The following RALGPS1 variants were observed in gnomAD, a reference collection of about 807,000 sequenced individuals.
The protein encoded by RALGPS1 is Ral GEF with PH domain and SH3 binding motif 1, also known as ras-specific guanine nucleotide-releasing factor RalGPS1.
A neutral mutation model predicts 78.8 loss-of-function variants in RALGPS1; 19 were observed. The ratio of observed to expected loss-of-function variants is 0.24; its 90% confidence interval spans 0.17 to 0.35. The LOEUF (loss-of-function observed/expected upper bound fraction) is 0.35, where lower values mean the gene tolerates loss of function less well. RALGPS1 is among the 10% of genes least tolerant of loss of function. The pLI is 1.00. For missense variants in RALGPS1, 454 were observed against 688.3 expected (o/e 0.66, Z 3.81); for synonymous variants, 228 against 256.3 (o/e 0.89, Z 1.06).
intron 1 of RALGPS1, among the ~76,000 whole-genome samples, chr9:126,941,200 A>G (rs2036758932): frequency 6.6e-6 from 1 of 151,334 alleles, no homozygotes; most frequent in South Asian, 2.1e-4. Flanking sequence ...GGGATGATTA[A>G]TGGATTCAAA....
At chr9:127,208,977 G>A (rs931200396) in intron 14 of RALGPS1, among the ~76,000 whole-genome samples, 23 of 152,328 alleles carry the variant, frequency 1.5e-4, no homozygotes, top group East Asian at 7.7e-4. Context: ...AAAGACTCAC[G>A]AGAAGAAAAG....
intron 1 of RALGPS1, among the ~76,000 whole-genome samples, chr9:126,942,301 C>T (rs575043062): frequency 1.2e-3 from 183 of 150,510 alleles, no homozygotes; most frequent in Middle Eastern, 3.4e-3. Flanking sequence ...TTTTTTTTAC[C>T]TCCAAATTAT....
intron 4 of RALGPS1, among the ~76,000 whole-genome samples, chr9:127,019,579 G>A (rs1014003843): frequency 3.9e-5 from 6 of 152,038 alleles, no homozygotes; most frequent in Non-Finnish European, 7.4e-5. Flanking sequence ...CACCCACCTC[G>A]GCCTCCCAAA....
At chr9:127,130,190 A>G (rs761698535) in intron 8 of RALGPS1, among the ~76,000 whole-genome samples, 4 of 152,180 alleles carry the variant, frequency 2.6e-5, no homozygotes, top group African/African-American at 4.8e-5. Flanking sequence ...AAATTTACCT[A>G]TCCTCCCTGA....
At chr9:126,950,795 A>C (rs1437100785) in intron 1 of RALGPS1, among the ~76,000 whole-genome samples, 1 of 151,836 alleles carries the variant, frequency 6.6e-6, no homozygotes, top group African/African-American at 2.4e-5. Flanking sequence ...AGCTAGCAGA[A>C]GGCAAGAAAT....
At chr9:126,965,238 A>G (rs1398214895) in intron 2 of RALGPS1, among the ~76,000 whole-genome samples, 1 of 152,218 alleles carries the variant, frequency 6.6e-6, no homozygotes, top group African/African-American at 2.4e-5. Context: ...CTCTCACCTC[A>G]TTAGCAAGCA....
intron 17 of RALGPS1, 47 bp downstream of exon 17, chr9:127,213,096 T>G: frequency 6.2e-7 from 1 of 1,612,718 alleles, no homozygotes; most frequent in South Asian, 1.1e-5. Flanking sequence ...CTCTGCCCAT[T>G]TCCTCTCTTG....
chr9:127,018,816 C>CAA (rs1268733139), intron 4 of RALGPS1, among the ~76,000 whole-genome samples: 1 of 152,056 alleles, frequency 6.6e-6, no homozygotes, highest in Non-Finnish European at 1.5e-5. Flanking sequence ...AGCATCACCA[C>CAA]AAACACTTGA....
intron 8 of RALGPS1, among the ~76,000 whole-genome samples, chr9:127,095,277 G>A (rs368411278): frequency 1.3e-4 from 20 of 152,190 alleles, no homozygotes; most frequent in African/African-American, 4.6e-4. Context: ...ACGCACCTGT[G>A]ATCCCAGCTA....
intron 1 of RALGPS1, among the ~76,000 whole-genome samples, chr9:126,932,483 C>T (rs2035881481): frequency 6.6e-6 from 1 of 152,148 alleles, no homozygotes; most frequent in African/African-American, 2.4e-5. Flanking sequence ...TGTAATAGCT[C>T]AAACTGGAAA....
intron 18 of RALGPS1, among the ~76,000 whole-genome samples, chr9:127,215,206 C>T (rs915190380): frequency 5.9e-5 from 9 of 152,226 alleles, no homozygotes; most frequent in Admixed American, 6.5e-5. Context: ...TCCAGACTCA[C>T]TAAAGGGCCT....
chr9:126,945,054 A>G (rs2037128917), intron 1 of RALGPS1, among the ~76,000 whole-genome samples: 6 of 152,204 alleles, frequency 3.9e-5, no homozygotes, highest in Admixed American at 3.9e-4. Flanking sequence ...TCCTGTCCAC[A>G]GGAGGCAGCC....
chr9:126,958,295 T>C (rs1009671835), intron 1 of RALGPS1, among the ~76,000 whole-genome samples: 3 of 151,924 alleles, frequency 2.0e-5, no homozygotes, highest in Non-Finnish European at 4.4e-5. Context: ...GTATAATTTA[T>C]ATTTCATAAA....
chr9:127,069,401 G>A (rs552199602), intron 8 of RALGPS1, 45 bp downstream of exon 8: 3 of 1,596,834 alleles, frequency 1.9e-6, no homozygotes, highest in East Asian at 4.5e-5. Context: ...AACCTACTCG[G>A]TGCCAAATAA....
chr9:127,024,005 C>A (rs1036098770), intron 4 of RALGPS1, among the ~76,000 whole-genome samples: 1 of 120,556 alleles, frequency 8.3e-6, no homozygotes, highest in Non-Finnish European at 1.6e-5. Flanking sequence ...CCACTGCACT[C>A]CAGCCTGGGT....
In RALGPS1 at chr9:127,221,352, G is replaced by C. The variant is rs993934920; in HGVS notation, c.*2583G>C. ...AACGCCATTGAAGGGATTATTTCTTGCATGCATATGCTGAATTTTTTTAAG... is the reference window on the plus strand; with the variant it reads ...AACGCCATTGAAGGGATTATTTCTTCCATGCATATGCTGAATTTTTTTAAG... On this transcript the variant is annotated 3_prime_UTR_variant, in exon 19 of 19. Coordinates refer to ENST00000259351, the MANE Select transcript of RALGPS1 (RefSeq NM_014636.3). The C allele has an allele frequency of 2.0e-5, 3 of 152,208 alleles. No individual in the cohort carries two copies. Among genetic ancestry groups the C allele is most frequent in the African/African-American group, 7.2e-5 (3 of 41,432 alleles). 9.4% of individuals were successfully genotyped at this position (152,208 alleles called of 1,614,324 possible).
chr9:127,057,453 C>T (rs1222558026), intron 7 of RALGPS1, among the ~76,000 whole-genome samples: 1 of 152,222 alleles, frequency 6.6e-6, no homozygotes, highest in African/African-American at 2.4e-5. Flanking sequence ...CTGTTGGCCT[C>T]TCCATGGGTG....
intron 7 of RALGPS1, among the ~76,000 whole-genome samples, chr9:127,056,167 C>T (rs1238025507): frequency 6.6e-6 from 1 of 152,242 alleles, no homozygotes; most frequent in African/African-American, 2.4e-5. Flanking sequence ...TGCCAGGGAA[C>T]TAAGATTACA....
In RALGPS1 at chr9:127,204,696, G is replaced by A. The variant is rs117167323; in HGVS notation, c.1247+5630G>A. 5.6e-3 allele frequency among the ~76,000 whole-genome samples: 857 copies of A among 152,302 alleles called. 22 individuals are homozygous for A. In the East Asian group the frequency reaches 0.086, roughly 15 times the overall value. The stretch of plus-strand genomic sequence containing the variant: ...TGCTGTAGGGCGTTCAGGGAGTTGG[G>A]TGATGCAGTTTCTGCCCATGTGAGG... On this transcript the variant is annotated intron_variant, in intron 14 of 18. Transcript: ENST00000259351.
Sources: gnomAD v4.1 joint callset for allele counts (sites outside exome capture counted in the v4.1 genomes callset) on GRCh38, gnomAD v4.1.1 for gene constraint, MANE v1.5 for transcripts, NCBI Gene and HGNC (gene_info 2026-07-23, HGNC 2026-07-21) for gene names.